MAF: variants seen among roughly 807,000 people sequenced by gnomAD.
The protein encoded by MAF is MAF bZIP transcription factor, also known as transcription factor Maf.
In MAF, 10 loss-of-function variants were observed where a neutral mutation model predicts 22.0. The ratio of observed to expected loss-of-function variants is 0.45; its 90% CI spans 0.28 to 0.77. The LOEUF (loss-of-function observed/expected upper bound fraction) is 0.77. Ranked by LOEUF, MAF falls within the 30% of genes least tolerant of loss-of-function variation. The pLI, the probability that MAF is intolerant of heterozygous loss-of-function variation, is 0.12. For missense variants in MAF, 544 were observed against 548.4 expected (o/e 0.99, Z 0.08); for synonymous variants, 337 against 255.8 (o/e 1.32, Z -3.03).
chr16:79,479,004 G>C, the MAF span, among the ~76,000 whole-genome samples: 2 of 151,718 alleles, frequency 1.3e-5, no homozygotes, highest in African/African-American at 4.8e-5. Flanking sequence ...TAGCATCCTA[G>C]TGCACCTGTG....
At chr16:79,428,249 C>G in the MAF span, among the ~76,000 whole-genome samples, 1 of 152,174 alleles carries the variant, frequency 6.6e-6, no homozygotes, top group South Asian at 2.1e-4. Context: ...AGGGGGGTTC[C>G]CAGTCTCCCC....
downstream of MAF, among the ~76,000 whole-genome samples, chr16:79,589,072 T>C (rs181274208): frequency 1.3e-5 from 2 of 152,290 alleles, no homozygotes; most frequent in African/African-American, 4.8e-5. Flanking sequence ...AATCCTTCCC[T>C]AAGAGAGAGG....
chr16:79,317,238 T>C, the MAF span, among the ~76,000 whole-genome samples: 444 of 146,818 alleles, frequency 3.0e-3, 4 homozygotes, highest in African/African-American at 0.011. Flanking sequence ...CCTCCCTCCT[T>C]TCTCTCCTTC....
chr16:79,493,315 G>A, the MAF span, among the ~76,000 whole-genome samples: 22 of 152,162 alleles, frequency 1.4e-4, no homozygotes, highest in African/African-American at 2.4e-4. Context: ...CCGAGTAGCC[G>A]GGATTACAGG....
At chr16:79,586,853 C>G (rs554416356) in intron 1 of MAF, among the ~76,000 whole-genome samples, 1 of 152,336 alleles carries the variant, frequency 6.6e-6, no homozygotes, top group African/African-American at 2.4e-5. Context: ...AACATGGTCA[C>G]AGAAAATCTG....
the MAF span, among the ~76,000 whole-genome samples, chr16:79,430,197 A>G: frequency 1.3e-5 from 2 of 152,262 alleles, no homozygotes; most frequent in East Asian, 3.9e-4. Flanking sequence ...AAAGAAAGGT[A>G]GCGCTTTGTT....
At chr16:79,294,557 C>G in the MAF span, among the ~76,000 whole-genome samples, 1 of 152,138 alleles carries the variant, frequency 6.6e-6, no homozygotes, top group African/African-American at 2.4e-5. Flanking sequence ...GTATTGTAAT[C>G]CCTGGGAAAT....
At chr16:79,463,097 C>G in the MAF span, among the ~76,000 whole-genome samples, 1 of 152,014 alleles carries the variant, frequency 6.6e-6, no homozygotes, top group East Asian at 1.9e-4. Flanking sequence ...AAAACCCAGC[C>G]GAGGCAGAAG....
chr16:79,583,348 T>C (rs1239437314), downstream of MAF, among the ~76,000 whole-genome samples: 2 of 152,212 alleles, frequency 1.3e-5, no homozygotes, highest in African/African-American at 2.4e-5. Flanking sequence ...CCACTCCATC[T>C]GCCGATTGTA....
At chr16:79,363,208 G>A in the MAF span, among the ~76,000 whole-genome samples, 3 of 151,920 alleles carry the variant, frequency 2.0e-5, no homozygotes, top group Non-Finnish European at 4.4e-5. Flanking sequence ...AGGGGGGTGG[G>A]GAAAGTCCCT....
the MAF span, chr16:79,211,637 T>C: frequency 6.2e-7 from 1 of 1,614,222 alleles, no homozygotes; most frequent in Non-Finnish European, 8.5e-7. Flanking sequence ...CCGTGTACTG[T>C]GCTGCTGTCC....
chr16:79,496,179 C>T, the MAF span, among the ~76,000 whole-genome samples: 3 of 152,002 alleles, frequency 2.0e-5, no homozygotes, highest in Non-Finnish European at 4.4e-5. Flanking sequence ...GCAGCAGTAG[C>T]TAACTAGTAC....
chr16:79,254,357 G>T, the MAF span, among the ~76,000 whole-genome samples: 1 of 151,958 alleles, frequency 6.6e-6, no homozygotes, highest in African/African-American at 2.4e-5. Flanking sequence ...CTCCTAGTGG[G>T]CATCTCTCTA....
chr16:79,259,707 G>A, the MAF span, among the ~76,000 whole-genome samples: 4 of 152,302 alleles, frequency 2.6e-5, no homozygotes, highest in Non-Finnish European at 5.9e-5. Flanking sequence ...TTAGGGTACA[G>A]GGGGCAGGAC....
At chr16:79,557,922 G>A in the MAF span, among the ~76,000 whole-genome samples, 1 of 151,886 alleles carries the variant, frequency 6.6e-6, no homozygotes, top group African/African-American at 2.4e-5. Flanking sequence ...GGACTCCTGA[G>A]GGAAGTGACA....
chr16:79,227,168 A>G, the MAF span, among the ~76,000 whole-genome samples: 1 of 151,972 alleles, frequency 6.6e-6, no homozygotes, highest in South Asian at 2.1e-4. Context: ...CATCTCTACA[A>G]AAGTCTGGTC....
the MAF span, among the ~76,000 whole-genome samples, chr16:79,514,399 T>G: frequency 0.84 from 128,302 of 152,200 alleles, 54,301 homozygotes; most frequent in East Asian, 0.92. Flanking sequence ...AGATGAGCTT[T>G]CCTACAAATA....
chr16:79,251,402 G>C, the MAF span, among the ~76,000 whole-genome samples: 1 of 144,356 alleles, frequency 6.9e-6, no homozygotes, highest in Non-Finnish European at 1.5e-5. Context: ...TGCAACCTCT[G>C]CCTCTTGGGT....
chr16:79,232,129 T>A, the MAF span, among the ~76,000 whole-genome samples: 1 of 152,090 alleles, frequency 6.6e-6, no homozygotes, highest in African/African-American at 2.4e-5. Context: ...CACCTGCTAC[T>A]CACCTCTTAC....
Sources: gnomAD v4.1 joint callset for allele counts (sites outside exome capture counted in the v4.1 genomes callset) on GRCh38, gnomAD v4.1.1 for gene constraint, MANE v1.5 for transcripts, NCBI Gene and HGNC (gene_info 2026-07-23, HGNC 2026-07-21) for gene names.